The following SMC1B variants were observed in gnomAD, a reference collection of about 807,000 sequenced individuals.
SMC1B encodes the protein structural maintenance of chromosomes 1B, also known as structural maintenance of chromosomes protein 1B.
Under a neutral mutation model 157.9 loss-of-function variants are expected in SMC1B, and 60 were observed. The ratio of observed to expected loss-of-function variants is 0.38; its 90% CI spans 0.31 to 0.47. The LOEUF (loss-of-function observed/expected upper bound fraction) is 0.47. Ranked by LOEUF, SMC1B falls within the 20% of genes least tolerant of loss-of-function variation. The pLI is 0.99. For missense variants in SMC1B, 1,165 were observed against 1,426.2 expected, an observed-to-expected ratio of 0.82 and a Z score of 2.95; for synonymous variants, 445 against 483.0, an observed-to-expected ratio of 0.92 and a Z score of 1.03.
intron 6 of SMC1B, among the ~76,000 whole-genome samples, chr22:45,398,336 C>T (rs559293648): frequency 6.6e-6 from 1 of 152,326 alleles, no homozygotes; most frequent in South Asian, 2.1e-4. Context: ...TGGCTGGAAA[C>T]TAAACTTGCT....
In SMC1B at chr22:45,383,497, G is replaced by T. The variant is rs574283380; in HGVS notation, c.2028C>A (p.Asp676Glu). The change falls in exon 12 of 25, where the codon GAC becomes GAA. Residue 676 changes from aspartate (D) to glutamate (E), a missense_variant. Asp to Glu is a conservative substitution (Grantham distance 45). Coordinates refer to ENST00000357450, the MANE Select transcript of SMC1B (RefSeq NM_148674.5). ...WDEKELKNLR[D>E]RRSQKIQELK... The stretch of plus-strand genomic sequence containing the variant: ...GCTCTTGGATTTTCTGGCTTCGTCT[G>T]TCTCTTAGATTCTTTAACTCTTTCT... The T allele has an allele frequency of 6.2e-7, 1 of 1,605,092 alleles. No homozygotes were observed. Among genetic ancestry groups the T allele is most frequent in the African/African-American group, 1.3e-5 (1 of 74,288 alleles).
At chr22:45,395,435 T>C (rs950860490) in intron 7 of SMC1B, among the ~76,000 whole-genome samples, 107 of 152,358 alleles carry the variant, frequency 7.0e-4, no homozygotes, top group African/African-American at 2.2e-3. Flanking sequence ...CCAACACTTA[T>C]TGACATCTAC....
chr22:45,362,119 C>T (rs2072717), intron 16 of SMC1B, 135 bp from the exon 17 acceptor site: 359,785 of 774,506 alleles, frequency 0.46, 89,208 homozygotes, highest in Non-Finnish European at 0.52. Flanking sequence ...GACCTTCCAT[C>T]GTGGACTGTG....
intron 15 of SMC1B, among the ~76,000 whole-genome samples, chr22:45,368,575 T>A (rs1427343802): frequency 6.6e-6 from 1 of 151,592 alleles, no homozygotes; most frequent in Non-Finnish European, 1.5e-5. Flanking sequence ...TGGAGTGCAC[T>A]GGCATGATCT....
intron 19 of SMC1B, 30 bp downstream of exon 19, chr22:45,358,667 A>T: frequency 7.9e-7 from 1 of 1,264,674 alleles, no homozygotes. Flanking sequence ...TATTACTGTG[A>T]GTGATAAACA....
chr22:45,400,743 C>T (rs1237949874), intron 5 of SMC1B, among the ~76,000 whole-genome samples: 1 of 152,152 alleles, frequency 6.6e-6, no homozygotes, highest in Non-Finnish European at 1.5e-5. Flanking sequence ...TCAAGGTCAA[C>T]ATCAACAGTG....
chr22:45,357,680 C>T (rs2086682869), intron 19 of SMC1B, among the ~76,000 whole-genome samples: 1 of 152,174 alleles, frequency 6.6e-6, no homozygotes, highest in African/African-American at 2.4e-5. Flanking sequence ...ACAACACAGT[C>T]AGAAATGCTG....
intron 1 of SMC1B, among the ~76,000 whole-genome samples, chr22:45,410,323 A>T (rs1251421801): frequency 1.3e-5 from 2 of 152,172 alleles, no homozygotes; most frequent in Admixed American, 1.3e-4. Flanking sequence ...TCTCTAAGAC[A>T]ATTTCCAAGG....
chr22:45,411,657 G>C (rs62231146), intron 1 of SMC1B, among the ~76,000 whole-genome samples: 17,578 of 152,188 alleles, frequency 0.12, 1,169 homozygotes, highest in South Asian at 0.2. Flanking sequence ...CGTGATGTCA[G>C]CTCACTGCAG....
chr22:45,411,348 T>G (rs1462953186), intron 1 of SMC1B, among the ~76,000 whole-genome samples: 1 of 152,244 alleles, frequency 6.6e-6, no homozygotes, highest in Admixed American at 6.5e-5. Flanking sequence ...AAAGGCCATA[T>G]ATTGTCTGAT....
chr22:45,387,133 A>T, intron 10 of SMC1B, 87 bp from the exon 11 acceptor site: 1 of 1,160,230 alleles, frequency 8.6e-7, no homozygotes, highest in Non-Finnish European at 1.2e-6. Flanking sequence ...AAACATATAT[A>T]CGCATGGCAG....
intron 13 of SMC1B, 72 bp downstream of exon 13, chr22:45,372,083 A>G (rs2086838242): frequency 7.6e-7 from 1 of 1,309,826 alleles, no homozygotes; most frequent in Non-Finnish European, 1.0e-6. Context: ...ACATGGAGCT[A>G]TATAAATGTA....
chr22:45,396,278 C>T lies in SMC1B; in HGVS notation c.1254+68G>A, dbSNP rs988805400. On this transcript the variant is annotated intron_variant, in intron 7 of 24. Transcript: ENST00000357450. ...AGGTTAAGGAGATTCATTCTGGAGA[C>T]AGGTACAAAAAGGAAATAAAATTTC... 1.2e-5 allele frequency: 17 copies of T among 1,368,480 alleles called. No individual in the cohort carries two copies. The African/African-American group carries it at 1.3e-4, about 11-fold the overall frequency. 84.8% of individuals were successfully genotyped at this position (1,368,480 alleles called of 1,614,324 possible).
intron 22 of SMC1B, among the ~76,000 whole-genome samples, chr22:45,350,724 A>C (rs1180742196): frequency 6.6e-6 from 1 of 152,118 alleles, no homozygotes; most frequent in Admixed American, 6.5e-5. Flanking sequence ...CATCTCAGTT[A>C]ATGGCAGCTC....
chr22:45,372,135 T>G lies in SMC1B; in HGVS notation c.2196+20A>C. On this transcript the variant is annotated intron_variant, in intron 13 of 24. Transcript: ENST00000357450. ...GTTCTGGGTCAAATGCCTATCATATTTTATGTAAGTCTATATTACCTGGTA... is the reference window on the plus strand; with the variant it reads ...GTTCTGGGTCAAATGCCTATCATATGTTATGTAAGTCTATATTACCTGGTA... 1 of 1,571,154 alleles carries G rather than the reference T, an allele frequency of 6.4e-7. No homozygotes were observed. Among genetic ancestry groups the G allele is most frequent in the Non-Finnish European group, 8.6e-7 (1 of 1,160,528 alleles).
intron 15 of SMC1B, among the ~76,000 whole-genome samples, chr22:45,364,938 C>T (rs562185545): frequency 7.3e-5 from 11 of 150,776 alleles, no homozygotes; most frequent in Admixed American, 2.7e-4. Context: ...CCCGGGTTCA[C>T]GCCATTCTGC....
At chr22:45,407,048 T>C (rs1000050334) in intron 2 of SMC1B, among the ~76,000 whole-genome samples, 183 bp from the exon 3 acceptor site, 3 of 152,190 alleles carry the variant, frequency 2.0e-5, no homozygotes, top group East Asian at 3.8e-4. Context: ...TCAAGGTCTC[T>C]TTTACAGTGG....
intron 23 of SMC1B, among the ~76,000 whole-genome samples, chr22:45,346,217 G>A (rs1449446255): frequency 1.3e-5 from 2 of 152,106 alleles, no homozygotes; most frequent in African/African-American, 4.8e-5. Flanking sequence ...ACAACAAGAA[G>A]AGCAAAAATC....
chr22:45,376,850 T>C (rs907718762), intron 12 of SMC1B, among the ~76,000 whole-genome samples: 1 of 152,214 alleles, frequency 6.6e-6, no homozygotes, highest in Non-Finnish European at 1.5e-5. Context: ...CTGCTGCATC[T>C]TGACTGCGTT....
Sources: gnomAD v4.1 joint callset for allele counts (sites outside exome capture counted in the v4.1 genomes callset) on GRCh38, gnomAD v4.1.1 for gene constraint, MANE v1.5 for transcripts, NCBI Gene and HGNC (gene_info 2026-07-23, HGNC 2026-07-21) for gene names.